LTBP1: variants seen among roughly 807,000 people sequenced by gnomAD.
LTBP1 encodes latent-transforming growth factor beta-binding protein 1.
A neutral mutation model predicts 207.6 loss-of-function variants in LTBP1; 129 were observed. The ratio of observed to expected loss-of-function variants is 0.62; its 90% confidence interval spans 0.54 to 0.72. The LOEUF is 0.72. Ranked by LOEUF, LTBP1 falls within the 30% of genes least tolerant of loss-of-function variation. LTBP1 has a pLI of 0.00. For synonymous variants in LTBP1, 963 were observed against 833.7 expected (o/e 1.16, Z -2.67); for missense variants, 2,281 against 2,217.2 (o/e 1.03, Z -0.58).
At chr2:33,207,519 A>G (rs1264012441) in intron 7 of LTBP1, among the ~76,000 whole-genome samples, 1 of 152,228 alleles carries the variant, frequency 6.6e-6, no homozygotes, top group African/African-American at 2.4e-5. Flanking sequence ...AAAAGAAAGA[A>G]AAAAACCTTG....
chr2:33,121,136 A>C (rs1031665128), intron 4 of LTBP1, among the ~76,000 whole-genome samples: 5 of 141,974 alleles, frequency 3.5e-5, no homozygotes, highest in Non-Finnish European at 6.2e-5. Flanking sequence ...GATTTTCTTC[A>C]GTGGAAATAA....
intron 5 of LTBP1, among the ~76,000 whole-genome samples, chr2:33,145,663 T>C (rs546127901): frequency 8.5e-5 from 13 of 152,254 alleles, no homozygotes; most frequent in African/African-American, 2.4e-4. Context: ...TTTTATTGGG[T>C]GTACACAGAG....
At chr2:33,352,051 G>A (rs2094788835) in intron 26 of LTBP1, among the ~76,000 whole-genome samples, 1 of 152,144 alleles carries the variant, frequency 6.6e-6, no homozygotes, top group African/African-American at 2.4e-5. Context: ...TTCTTCCAGG[G>A]TGTCTTGTAA....
At chr2:33,050,313 A>G (rs2076665645) in intron 3 of LTBP1, among the ~76,000 whole-genome samples, 1 of 152,058 alleles carries the variant, frequency 6.6e-6, no homozygotes, top group African/African-American at 2.4e-5. Flanking sequence ...AACTATCTGT[A>G]GCACATTCAG....
chr2:33,263,248 C>T (rs965565327), intron 14 of LTBP1, 46 bp from the exon 15 acceptor site: 3 of 1,126,824 alleles, frequency 2.7e-6, no homozygotes, highest in Non-Finnish European at 4.1e-6. Context: ...TCTCAATGCA[C>T]ATAACGGGCT....
intron 31 of LTBP1, among the ~76,000 whole-genome samples, chr2:33,377,591 A>G (rs749509718): frequency 3.4e-4 from 52 of 152,250 alleles, no homozygotes; most frequent in Non-Finnish European, 7.2e-4. Context: ...TAATAATCTT[A>G]CTGATGTCCT....
At chr2:33,061,822 C>T (rs72793711) in intron 3 of LTBP1, among the ~76,000 whole-genome samples, 14,788 of 152,082 alleles carry the variant, frequency 0.097, 948 homozygotes, top group Non-Finnish European at 0.14. Context: ...GGGTAAGTAC[C>T]TAGGAGTAGA....
intron 2 of LTBP1, among the ~76,000 whole-genome samples, chr2:32,977,058 G>C (rs1426005474): frequency 6.6e-6 from 1 of 152,220 alleles, no homozygotes; most frequent in Non-Finnish European, 1.5e-5. Flanking sequence ...CTGCTGTCCG[G>C]GTGTTATCCT....
intron 31 of LTBP1, among the ~76,000 whole-genome samples, chr2:33,372,296 A>G (rs927057597): frequency 3.9e-5 from 6 of 152,210 alleles, no homozygotes; most frequent in Non-Finnish European, 8.8e-5. Flanking sequence ...TAGAACAGAA[A>G]AGTAACAAAG....
intron 5 of LTBP1, among the ~76,000 whole-genome samples, chr2:33,185,048 G>A (rs1308180397): frequency 6.6e-6 from 1 of 152,196 alleles, no homozygotes; most frequent in African/African-American, 2.4e-5. Context: ...AAGATATGTA[G>A]GAATCAGGTA....
Position 32,947,347 on chromosome 2 carries a change from G to A in LTBP1, c.23G>A (p.Trp8Ter). The change falls in exon 1 of 34, where the codon TGG (tryptophan) becomes TAG (stop). Residue 8 changes from tryptophan (W) to a stop codon, truncating the protein, a stop_gained. Transcript: ENST00000404816. LOFTEE classifies it high-confidence loss of function. ...GCGATGGCGGGGGCCTGGCTCAGGT[G>A]GGGGCTCCTGCTCTGGGCAGGGCTC... The part of the protein sequence containing the change: MAGAWLR[W>*]GLLLWAGLLA... The A allele has an allele frequency of 7.9e-7, 1 of 1,262,974 alleles. No individual in the cohort carries two copies. Among genetic ancestry groups the A allele is most frequent in the Non-Finnish European group, 1.0e-6 (1 of 1,004,624 alleles). The allele number at this position is 1,262,974 out of a possible 1,614,324, so 78.2% of individuals were successfully genotyped here. A position where few individuals can be genotyped will look rare whatever the true frequency, so the allele number is the denominator to read the frequency against.
At chr2:33,126,113 G>A (rs1014627487) in intron 4 of LTBP1, among the ~76,000 whole-genome samples, 6 of 152,004 alleles carry the variant, frequency 3.9e-5, no homozygotes, top group Non-Finnish European at 5.9e-5. Flanking sequence ...GAGTATTCCC[G>A]TAGCATGGGA....
chr2:33,113,909 C>T (rs1284846818), intron 4 of LTBP1, among the ~76,000 whole-genome samples: 1 of 152,306 alleles, frequency 6.6e-6, no homozygotes, highest in East Asian at 1.9e-4. Flanking sequence ...GGCATGATCT[C>T]AGCTCACCAC....
At position 33,280,039 on chromosome 2, in the gene LTBP1, A is replaced by T. The variant is rs1394383246; in HGVS notation, c.2993A>T (p.Asp998Val). ...YRMTQRGRCE[D>V]IDECLNPSTC... ...ACGACCTAGGTTTTTGATTTTTCAGATATTGATGAATGTTTGAATCCAAGC... is the reference window on the plus strand; with the variant it reads ...ACGACCTAGGTTTTTGATTTTTCAGTTATTGATGAATGTTTGAATCCAAGC... Residue 998 changes from aspartate to valine, a missense_variant and splice_region_variant, in exon 19 of 34, where the codon GAT becomes GTT. Physicochemically the swap from Asp to Val is radical, Grantham distance 152. Around this residue, in one of 3 missense-constraint regions of LTBP1, gnomAD observed 1,671 missense variants for 1,634.8 expected, o/e 1.02. Transcript: ENST00000404816. 1 of 1,613,284 alleles carries T rather than the reference A, an allele frequency of 6.2e-7. No individual in the cohort carries two copies. Among genetic ancestry groups the T allele is most frequent in the Non-Finnish European group, 8.5e-7 (1 of 1,179,776 alleles).
chr2:33,266,841 A>G (rs2093194047), intron 15 of LTBP1, among the ~76,000 whole-genome samples: 1 of 152,186 alleles, frequency 6.6e-6, no homozygotes, highest in Non-Finnish European at 1.5e-5. Context: ...ATGTGGGACA[A>G]GAACTCAGAG....
At chr2:33,172,297 G>C (rs1298483872) in intron 5 of LTBP1, among the ~76,000 whole-genome samples, 2 of 152,096 alleles carry the variant, frequency 1.3e-5, no homozygotes, top group Admixed American at 6.5e-5. Flanking sequence ...CAAAATAAAA[G>C]GATGGAAGAA....
chr2:33,228,832 T>C (rs189262621), intron 9 of LTBP1, among the ~76,000 whole-genome samples: 1 of 151,138 alleles, frequency 6.6e-6, no homozygotes, highest in Non-Finnish European at 1.5e-5. Context: ...CCCAAGTAGC[T>C]GGGACTACAA....
chr2:33,301,088 A>G (rs572472830), intron 21 of LTBP1, among the ~76,000 whole-genome samples: 1 of 152,332 alleles, frequency 6.6e-6, no homozygotes, highest in African/African-American at 2.4e-5. Context: ...CCTACAGCTG[A>G]TAGTGAGGAT....
At chr2:33,261,592 C>T (rs1011903062) in intron 13 of LTBP1, among the ~76,000 whole-genome samples, 12 of 151,878 alleles carry the variant, frequency 7.9e-5, no homozygotes, top group South Asian at 2.1e-4. Flanking sequence ...TGTCAATGGA[C>T]GGGGCTTGCA....
Sources: allele counts gnomAD v4.1 joint callset (sites outside exome capture counted in the v4.1 genomes callset), GRCh38; gene constraint gnomAD v4.1.1; regional missense constraint gnomAD v4.1.1; transcripts MANE v1.5; gene names NCBI Gene and HGNC (gene_info 2026-07-23, HGNC 2026-07-21).